Variants in TDRD3 observed in about 807,000 individuals in gnomAD.
The protein encoded by TDRD3 is tudor domain containing 3, also known as tudor domain-containing protein 3.
Under a neutral mutation model 86.7 loss-of-function variants are expected in TDRD3, and 45 were observed. The ratio of observed to expected loss-of-function variants is 0.52; its 90% CI spans 0.41 to 0.67. TDRD3 has a LOEUF of 0.67. TDRD3 is among the 30% of genes least tolerant of loss of function. The pLI is 0.00. For synonymous variants in TDRD3, 298 were observed against 301.7 expected, an observed-to-expected ratio of 0.99 and a Z score of 0.13; for missense variants, 814 against 889.0, an observed-to-expected ratio of 0.92 and a Z score of 1.07.
intron 10 of TDRD3, among the ~76,000 whole-genome samples, chr13:60,512,302 A>C (rs1957077194): frequency 6.6e-6 from 1 of 152,050 alleles, no homozygotes; most frequent in Admixed American, 6.5e-5. Context: ...CTTACCTCCC[A>C]CTGGGTCCCT....
At chr13:60,566,430 G>A (rs189525622) in intron 12 of TDRD3, among the ~76,000 whole-genome samples, 1 of 152,092 alleles carries the variant, frequency 6.6e-6, no homozygotes, top group Non-Finnish European at 1.5e-5. Context: ...TTAAAGAATA[G>A]AACTCAGTCT....
intron 1 of TDRD3, among the ~76,000 whole-genome samples, chr13:60,430,398 T>C (rs551723746): frequency 2.4e-4 from 36 of 152,246 alleles, no homozygotes; most frequent in African/African-American, 7.2e-4. Flanking sequence ...TGAACTGATA[T>C]ATGGTTTTAT....
intron 12 of TDRD3, among the ~76,000 whole-genome samples, chr13:60,545,640 G>GT (rs1468308952): frequency 3.9e-5 from 6 of 151,924 alleles, no homozygotes; most frequent in Non-Finnish European, 7.4e-5. Context: ...TGTGGAGAAT[G>GT]TACACGAATG....
At chr13:60,511,301 G>A (rs953900148) in intron 10 of TDRD3, among the ~76,000 whole-genome samples, 1 of 152,086 alleles carries the variant, frequency 6.6e-6, no homozygotes, top group African/African-American at 2.4e-5. Flanking sequence ...AATCCAAAAA[G>A]TTAAGGAAAT....
At chr13:60,469,671 G>C (rs2138092135) in intron 5 of TDRD3, among the ~76,000 whole-genome samples, 1 of 152,258 alleles carries the variant, frequency 6.6e-6, no homozygotes, top group African/African-American at 2.4e-5. Context: ...GGAAAGTGCA[G>C]TTACTTGAGC....
intron 8 of TDRD3, among the ~76,000 whole-genome samples, chr13:60,504,965 G>A (rs911941675): frequency 2.0e-5 from 3 of 152,192 alleles, no homozygotes; most frequent in African/African-American, 4.8e-5. Flanking sequence ...ATTCCCTTGG[G>A]TGCTCATGCC....
intron 1 of TDRD3, among the ~76,000 whole-genome samples, chr13:60,436,671 G>T (rs1955117687): frequency 6.6e-6 from 1 of 152,100 alleles, no homozygotes; most frequent in African/African-American, 2.4e-5. Context: ...GGTAACTATA[G>T]CCTTGTAGTA....
At chr13:60,557,536 TA>T (rs1341626367) in intron 12 of TDRD3, among the ~76,000 whole-genome samples, 2 of 152,166 alleles carry the variant, frequency 1.3e-5, no homozygotes, top group Admixed American at 6.6e-5. Context: ...TGGACATGAA[TA>T]GGGAGTTAAA....
At chr13:60,495,102 A>C (rs917125857) in intron 8 of TDRD3, among the ~76,000 whole-genome samples, 3 of 152,218 alleles carry the variant, frequency 2.0e-5, no homozygotes, top group Non-Finnish European at 4.4e-5. Context: ...CTCCCTTTAG[A>C]GGTTGAATGA....
intron 10 of TDRD3, among the ~76,000 whole-genome samples, chr13:60,514,966 C>T (rs926751946): frequency 2.6e-5 from 4 of 152,264 alleles, no homozygotes; most frequent in South Asian, 2.1e-4. Flanking sequence ...TAAAATACCT[C>T]ATTCAGAAAA....
chr13:60,466,279 G>A (rs1019225682), intron 4 of TDRD3, among the ~76,000 whole-genome samples: 4 of 151,904 alleles, frequency 2.6e-5, no homozygotes, highest in African/African-American at 9.7e-5. Context: ...ATTCAACTTT[G>A]TAACAAAAAA....
At position 60,502,991 on chromosome 13, in the gene TDRD3, C is replaced by A. The variant is rs184087257; in HGVS notation, c.859-6772C>A. Among the ~76,000 whole-genome samples the A allele has an allele frequency of 4.7e-3, 722 of 152,244 alleles. 5 individuals are homozygous for A. The highest frequency in any genetic ancestry group is 0.017 in the African/African-American group (693 of 41,544). ...TCTAGAGGAACCAGGCAGAGAGAAA[C>A]AAACATGCTCCAAACTTTGTTCACA... On this transcript the variant is annotated intron_variant, in intron 8 of 13. Transcript: ENST00000377881.
intron 3 of TDRD3, among the ~76,000 whole-genome samples, chr13:60,449,056 T>G (rs1955473450): frequency 6.6e-6 from 1 of 152,016 alleles, no homozygotes; most frequent in South Asian, 2.1e-4. Context: ...CAAGTAGGAG[T>G]GACTGGTCTC....
Position 60,460,548 on chromosome 13 carries a change from G to T in TDRD3, c.353+8G>T, listed in dbSNP as rs1410158413. 5.2e-6 allele frequency: 8 copies of T among 1,529,064 alleles called. No homozygotes were observed. Among genetic ancestry groups the T allele is most frequent in the Non-Finnish European group, 7.0e-6 (8 of 1,148,352 alleles). 94.7% of individuals were successfully genotyped at this position (1,529,064 alleles called of 1,614,324 possible). On this transcript the variant is annotated splice_region_variant and intron_variant, in intron 4 of 13. Coordinates refer to ENST00000377881, the MANE Select transcript of TDRD3 (RefSeq NM_001146070.2). ...TTATATGTCAAAAATAAGGTGATTG[G>T]CACTTTATTTTGTGTATTTGTTACA...
chr13:60,568,117 C>G (rs1398036827), intron 13 of TDRD3, among the ~76,000 whole-genome samples: 1 of 152,122 alleles, frequency 6.6e-6, no homozygotes, highest in Non-Finnish European at 1.5e-5. Context: ...TGTGATATGT[C>G]TTTATCTTCC....
At chr13:60,567,860 A>AT in intron 13 of TDRD3, among the ~76,000 whole-genome samples, 2 of 150,556 alleles carry the variant, frequency 1.3e-5, no homozygotes, top group Admixed American at 1.3e-4. Context: ...AGTAGCTGGG[A>AT]TTACAGGCAT....
At chr13:60,457,274 A>C (rs1035283309) in intron 3 of TDRD3, among the ~76,000 whole-genome samples, 18 of 152,230 alleles carry the variant, frequency 1.2e-4, no homozygotes, top group Admixed American at 6.5e-5. Flanking sequence ...AGGAGGATCT[A>C]ATAAATAATA....
At chr13:60,550,349 A>G (rs2137895751) in intron 12 of TDRD3, among the ~76,000 whole-genome samples, 1 of 152,254 alleles carries the variant, frequency 6.6e-6, no homozygotes, top group African/African-American at 2.4e-5. Flanking sequence ...GTCTTGGAAC[A>G]TGCAGTAATG....
At chr13:60,498,349 A>G (rs1031879963) in intron 8 of TDRD3, among the ~76,000 whole-genome samples, 1 of 152,204 alleles carries the variant, frequency 6.6e-6, no homozygotes, top group African/African-American at 2.4e-5. Context: ...TTGGATCCCA[A>G]GGTGGCAGGG....
Sources: gnomAD v4.1 joint callset for allele counts (sites outside exome capture counted in the v4.1 genomes callset) on GRCh38, gnomAD v4.1.1 for gene constraint, MANE v1.5 for transcripts, NCBI Gene and HGNC (gene_info 2026-07-23, HGNC 2026-07-21) for gene names.